Variants in COL28A1 observed in about 807,000 individuals in gnomAD.
COL28A1 encodes collagen alpha-1(XXVIII) chain.
Under a neutral mutation model 150.2 loss-of-function variants are expected in COL28A1, and 161 were observed. The ratio of observed to expected loss-of-function variants is 1.07; its 90% CI spans 0.94 to 1.22. The LOEUF (loss-of-function observed/expected upper bound fraction) is 1.22, where lower values mean the gene tolerates loss of function less well. COL28A1 is among the 50% of genes most tolerant of loss of function. COL28A1 has a pLI of 0.00. For synonymous variants in COL28A1, 552 were observed against 469.7 expected (o/e 1.18, Z -2.26); for missense variants, 1,617 against 1,388.3 (o/e 1.16, Z -2.62).
At position 7,529,463 on chromosome 7, in the gene COL28A1, C is replaced by T. The variant is rs529718917; in HGVS notation, c.681+1885G>A. 4.6e-5 allele frequency among the ~76,000 whole-genome samples: 7 copies of T among 152,258 alleles called. No individual in the cohort carries two copies. The South Asian group carries it at 1.2e-3, about 27-fold the overall frequency. On this transcript the variant is annotated intron_variant, in intron 3 of 34. Transcript: ENST00000399429. The stretch of plus-strand genomic sequence containing the variant: ...TTTATTCATGGAGCTTCCATCTGAA[C>T]AAACAAGCTGAAATCACAGATGCTA...
chr7:7,373,020 A>T lies in COL28A1; in HGVS notation c.2886T>A (p.Phe962Leu), dbSNP rs1781317319. Residue 962 changes from phenylalanine to leucine, a missense_variant, in exon 32 of 35, where the codon TTT (phenylalanine) becomes TTA (leucine). Transcript: ENST00000399429. The surrounding 1 kb of genome is among the most constrained non-coding windows in gnomAD (Gnocchi z 4.1). ...TACCTTGCAGGGTAAAGAAATCATC[A>T]AACTGGTAAACATGCTCTGGGTCAG... ...IATDPEHVYQ[F>L]DDFFTLQDTL... 3.1e-6 allele frequency: 5 copies of T among 1,613,952 alleles called. No individual in the cohort carries two copies. In the East Asian group the frequency reaches 1.1e-4, roughly 36 times the overall value.
intron 11 of COL28A1, among the ~76,000 whole-genome samples, chr7:7,499,540 T>G (rs1780406356): frequency 6.6e-6 from 1 of 152,258 alleles, no homozygotes; most frequent in Non-Finnish European, 1.5e-5. Context: ...CTACATGTTT[T>G]CACTTGATTT....
chr7:7,507,289 C>T, intron 9 of COL28A1, 128 bp from the exon 10 acceptor site: 1 of 555,730 alleles, frequency 1.8e-6, no homozygotes, highest in Non-Finnish European at 3.1e-6. Flanking sequence ...ACATCAAAGG[C>T]AATAAACTGA....
chr7:7,447,812 G>T (rs1484742743), intron 18 of COL28A1, among the ~76,000 whole-genome samples: 2 of 152,146 alleles, frequency 1.3e-5, no homozygotes, highest in Non-Finnish European at 1.5e-5. Flanking sequence ...AGAGAAAAGA[G>T]ACTGAAAAAG....
rs1787145318 is a variant in COL28A1 at position 7,456,080 on chromosome 7, T to C, written c.1335A>G (p.Pro445=). 6.2e-7 allele frequency: 1 copy of C among 1,613,972 alleles called. No individual in the cohort carries two copies. Among genetic ancestry groups the C allele is most frequent in the Admixed American group, 1.7e-5 (1 of 60,016 alleles). Residue 445 remains proline (P), a synonymous_variant, in exon 16 of 35, where the codon CCA becomes CCG. Transcript: ENST00000399429. ...GDIGPVGPQG[P]MGIPGIGSQG... The stretch of plus-strand genomic sequence containing the variant: ...GACTCCCGATTCCAGGGATACCCAT[T>C]GGTCCTTGGGGTCCCACAGGTCCTA...
intron 13 of COL28A1, among the ~76,000 whole-genome samples, chr7:7,478,631 C>T (rs1269436885): frequency 6.6e-6 from 1 of 152,254 alleles, no homozygotes; most frequent in Non-Finnish European, 1.5e-5. Flanking sequence ...CACACAGGAG[C>T]CCACGGCGGG....
intron 27 of COL28A1, 62 bp from the exon 28 acceptor site, chr7:7,381,674 G>A: frequency 8.0e-7 from 1 of 1,256,912 alleles, no homozygotes; most frequent in South Asian, 1.2e-5. Flanking sequence ...GCTATTCTTT[G>A]GGTCAGAAAC....
At chr7:7,525,278 C>T (rs527992378) in intron 3 of COL28A1, among the ~76,000 whole-genome samples, 28 of 152,238 alleles carry the variant, frequency 1.8e-4, no homozygotes, top group African/African-American at 6.3e-4. Context: ...ATGAATTAGC[C>T]AGAATATTTT....
chr7:7,414,632 T>C (rs542835100), intron 27 of COL28A1, among the ~76,000 whole-genome samples: 1 of 152,288 alleles, frequency 6.6e-6, no homozygotes, highest in African/African-American at 2.4e-5. Flanking sequence ...CAGAAGATCA[T>C]ACTCTTCCAC....
chr7:7,539,470 A>T (rs1288231587), upstream of COL28A1, among the ~76,000 whole-genome samples: 1 of 152,134 alleles, frequency 6.6e-6, no homozygotes, highest in East Asian at 1.9e-4. Context: ...ACATGACCCA[A>T]ACGTTTCCCA....
intron 27 of COL28A1, among the ~76,000 whole-genome samples, chr7:7,388,355 T>G (rs1191158318): frequency 6.6e-6 from 1 of 152,210 alleles, no homozygotes; most frequent in South Asian, 2.1e-4. Context: ...TCCTTTTTTA[T>G]GGCTGCATAG....
chr7:7,483,307 G>A (rs1168901748), intron 13 of COL28A1, among the ~76,000 whole-genome samples: 1 of 152,092 alleles, frequency 6.6e-6, no homozygotes, highest in Non-Finnish European at 1.5e-5. Flanking sequence ...TATTTATGAC[G>A]GGTATAGTAG....
chr7:7,437,419 G>A lies in COL28A1; in HGVS notation c.1766C>T (p.Ser589Leu). ...CTTTGGCCCAGGTGGTCCAGGAATTGATGTTCCAGGCATTCCAAAAGGGCC... is the reference window on the plus strand; with the variant it reads ...CTTTGGCCCAGGTGGTCCAGGAATTAATGTTCCAGGCATTCCAAAAGGGCC... The part of the protein sequence containing the change: ...IMGPFGMPGT[S>L]IPGPPGPKGD... Residue 589 changes from serine (S) to leucine (L), a missense_variant, in exon 22 of 35, where the codon TCA becomes TTA. Physicochemically the swap from Ser to Leu is moderately radical, Grantham distance 145. Coordinates refer to ENST00000399429, the MANE Select transcript of COL28A1 (RefSeq NM_001037763.3). 1 of 1,613,434 alleles carries A rather than the reference G, an allele frequency of 6.2e-7. No homozygotes were observed. Among genetic ancestry groups the A allele is most frequent in the South Asian group, 1.1e-5 (1 of 90,938 alleles).
intron 27 of COL28A1, among the ~76,000 whole-genome samples, chr7:7,388,822 A>C (rs528798892): frequency 4.6e-5 from 7 of 152,236 alleles, no homozygotes; most frequent in Admixed American, 4.6e-4. Context: ...GTGTCTGTTC[A>C]TATCCTTCAC....
intron 13 of COL28A1, among the ~76,000 whole-genome samples, chr7:7,485,377 G>A (rs1175680534): frequency 1.3e-5 from 2 of 151,934 alleles, no homozygotes; most frequent in African/African-American, 4.8e-5. Flanking sequence ...CTTTGTAAAT[G>A]TGTAGTTTGT....
intron 5 of COL28A1, 112 bp from the exon 6 acceptor site, chr7:7,520,227 C>T (rs1208164469): frequency 7.1e-6 from 4 of 563,364 alleles, no homozygotes; most frequent in Non-Finnish European, 3.1e-6. Flanking sequence ...ATTGTAAAAC[C>T]TTTACCTGCC....
chr7:7,398,635 A>G (rs1205282680), intron 27 of COL28A1, among the ~76,000 whole-genome samples: 1 of 152,226 alleles, frequency 6.6e-6, no homozygotes, highest in East Asian at 1.9e-4. Flanking sequence ...AGTTGCATAC[A>G]TTAACTTGTC....
At chr7:7,452,705 A>G (rs2128330462) in intron 17 of COL28A1, among the ~76,000 whole-genome samples, 1 of 152,330 alleles carries the variant, frequency 6.6e-6, no homozygotes. Context: ...GAACAACTAA[A>G]ATTGGCACAG....
At chr7:7,511,201 T>C in intron 8 of COL28A1, 66 bp from the exon 9 acceptor site, 5 of 1,301,286 alleles carry the variant, frequency 3.8e-6, no homozygotes, top group Non-Finnish European at 4.4e-6. Context: ...AGAATGTTTG[T>C]TTGTTTGTTT....
Sources: gnomAD v4.1 joint callset for allele counts (sites outside exome capture counted in the v4.1 genomes callset) on GRCh38, gnomAD v4.1.1 for gene constraint, Gnocchi (gnomAD v3.1) non-coding constraint, MANE v1.5 for transcripts, NCBI Gene and HGNC (gene_info 2026-07-23, HGNC 2026-07-21) for gene names.